Variants in PRDM4 observed in about 807,000 individuals in gnomAD.
The protein encoded by PRDM4 is PR domain zinc finger protein 4.
A neutral mutation model predicts 62.3 loss-of-function variants in PRDM4; 38 were observed. The ratio of observed to expected loss-of-function variants is 0.61; its 90% confidence interval spans 0.47 to 0.80. PRDM4 has a LOEUF of 0.80. Among genes scored for constraint, PRDM4 ranks in the 30% least tolerant of loss-of-function variants. PRDM4 has a pLI of 0.00. For synonymous variants in PRDM4, 339 were observed against 348.2 expected (o/e 0.97, Z 0.30); for missense variants, 858 against 997.1 (o/e 0.86, Z 1.88).
intron 4 of PRDM4, among the ~76,000 whole-genome samples, chr12:107,752,454 C>T (rs939146354): frequency 5.9e-5 from 9 of 152,054 alleles, no homozygotes; most frequent in South Asian, 2.1e-4. Context: ...GAATCACTAA[C>T]GAAAACACTG....
chr12:107,757,851 T>C (rs1428690653), intron 2 of PRDM4, among the ~76,000 whole-genome samples: 2 of 152,166 alleles, frequency 1.3e-5, no homozygotes, highest in African/African-American at 4.8e-5. Context: ...ATAAGAGTAA[T>C]ACTGATTTGA....
At chr12:107,754,889 T>G (rs1303570717) in intron 3 of PRDM4, 1 of 152,218 alleles carries the variant, frequency 6.6e-6, no homozygotes, top group East Asian at 1.9e-4. Context: ...TAGTTAGATG[T>G]AAAACTGTAC....
At chr12:107,749,358 G>A (rs1890820529) in intron 5 of PRDM4, among the ~76,000 whole-genome samples, 1 of 149,478 alleles carries the variant, frequency 6.7e-6, no homozygotes, top group Admixed American at 6.7e-5. Flanking sequence ...ATCCTCCTCT[G>A]CCTTTCACTA....
At chr12:107,754,735 A>G (rs1399695593) in intron 3 of PRDM4, 2 of 152,222 alleles carry the variant, frequency 1.3e-5, no homozygotes, top group Non-Finnish European at 2.9e-5. Flanking sequence ...ATATAGAGAA[A>G]AAAACAATGG....
intron 2 of PRDM4, among the ~76,000 whole-genome samples, chr12:107,757,741 C>CT (rs36107847): frequency 4.0e-5 from 6 of 151,306 alleles, no homozygotes; most frequent in Non-Finnish European, 7.4e-5. Flanking sequence ...CTGCACCAAA[C>CT]TTTTTTTTTA....
Position 107,733,785 on chromosome 12 carries a change from A to G in PRDM4, c.*425T>C, listed in dbSNP as rs1376138156. On this transcript the variant is annotated 3_prime_UTR_variant, in exon 12 of 12. Transcript: ENST00000228437. Reference sequence around the variant, plus strand: ...TAAGTCACAAGAGTCTGCATAAAACACTATCAGCAATCAGGATGGCTATGG... The same window carrying G: ...TAAGTCACAAGAGTCTGCATAAAACGCTATCAGCAATCAGGATGGCTATGG... 5.4e-6 allele frequency: 1 copy of G among 184,790 alleles called. No homozygotes were observed. The highest frequency in any genetic ancestry group is 2.4e-5 in the African/African-American group (1 of 41,796). 11.4% of individuals were successfully genotyped at this position (184,790 alleles called of 1,614,324 possible).
intron 3 of PRDM4, among the ~76,000 whole-genome samples, chr12:107,756,038 C>T (rs981161066): frequency 1.3e-5 from 2 of 151,748 alleles, no homozygotes; most frequent in African/African-American, 4.8e-5. Context: ...TGCAGTGAGC[C>T]GAGATCGTGC....
At chr12:107,746,863 G>C (rs1258964888) in intron 5 of PRDM4, among the ~76,000 whole-genome samples, 1 of 152,122 alleles carries the variant, frequency 6.6e-6, no homozygotes, top group Non-Finnish European at 1.5e-5. Flanking sequence ...TCTTATCAAA[G>C]ACTCACTTCC....
At chr12:107,755,623 T>C (rs941001184) in intron 3 of PRDM4, among the ~76,000 whole-genome samples, 15 of 152,190 alleles carry the variant, frequency 9.9e-5, no homozygotes, top group African/African-American at 3.6e-4. Flanking sequence ...AATATATAGA[T>C]TTATTTATAC....
At chr12:107,746,536 G>T in intron 5 of PRDM4, 112 bp from the exon 6 acceptor site, 1 of 1,034,802 alleles carries the variant, frequency 9.7e-7, no homozygotes, top group Non-Finnish European at 1.3e-6. Context: ...CCAGGCTGGA[G>T]TGCAATGGCG....
intron 5 of PRDM4, among the ~76,000 whole-genome samples, chr12:107,750,125 T>C (rs1435707360): frequency 2.6e-5 from 4 of 152,182 alleles, no homozygotes; most frequent in African/African-American, 7.2e-5. Context: ...GTCACACTTA[T>C]TATTATCCTA....
chr12:107,741,151 G>A lies in PRDM4; in HGVS notation c.1719C>T (p.Thr573=), dbSNP rs773352947. The change falls in exon 10 of 12, where the codon ACC becomes ACT. Residue 573 remains threonine, a synonymous_variant. Transcript: ENST00000228437. ...LTSHIHNHLP[T]QGHSGSHGPS... is the part of the protein sequence containing the mutation. The stretch of plus-strand genomic sequence containing the variant: ...GCCCATGGCTGCCGCTATGTCCCTG[G>A]GTAGGAAGATGGTTATGGATGTGGC... 2.5e-6 allele frequency: 4 copies of A among 1,614,068 alleles called. No individual in the cohort carries two copies. The highest frequency in any genetic ancestry group is 4.5e-5 in the East Asian group (2 of 44,860).
chr12:107,737,844 T>TC (rs894124194), intron 11 of PRDM4, among the ~76,000 whole-genome samples: 1 of 152,000 alleles, frequency 6.6e-6, no homozygotes, highest in East Asian at 1.9e-4. Context: ...CAAATATTTG[T>TC]CCCCCCTCAC....
At chr12:107,741,872 G>T (rs926848298) in intron 9 of PRDM4, among the ~76,000 whole-genome samples, 3 of 152,182 alleles carry the variant, frequency 2.0e-5, no homozygotes, top group Non-Finnish European at 4.4e-5. Context: ...AAACAGCACA[G>T]CAAAGAGAAA....
At chr12:107,755,804 G>A (rs955671382) in intron 3 of PRDM4, among the ~76,000 whole-genome samples, 28 of 152,180 alleles carry the variant, frequency 1.8e-4, no homozygotes, top group African/African-American at 6.0e-4. Context: ...GTACAGTGAC[G>A]GCTGGCGCGG....
chr12:107,751,470 C>A lies in PRDM4; in HGVS notation c.1071G>T (p.Leu357=). 1 of 1,613,488 alleles carries A rather than the reference C, an allele frequency of 6.2e-7. No individual in the cohort carries two copies. ...TGTTTGAATTGGAGTCTTCCATTTG[C>A]AGTGAAGGTGATACAAAAGAAAGAC... ...SDSLSFVSPS[L]QMEDSNSNKE... Residue 357 remains leucine (L), a synonymous_variant, in exon 5 of 12, where the codon CTG becomes CTT. Transcript: ENST00000228437.
chr12:107,751,939 G>GT lies in PRDM4; in HGVS notation c.601dup (p.Thr201AsnfsTer33). ...CATTCCATCTGTCGAAATTGGGCTG[G>GT]TAACCCTAGAAACGTTCTCCATAGT... On this transcript the variant is annotated frameshift_variant, in exon 5 of 12. Transcript: ENST00000228437. LOFTEE classifies it high-confidence loss of function. The GT allele has an allele frequency of 6.2e-7, 1 of 1,614,230 alleles. No homozygotes were observed. The highest frequency in any genetic ancestry group is 8.5e-7 in the Non-Finnish European group (1 of 1,180,040).
At chr12:107,757,082 T>C (rs1171578305) in intron 2 of PRDM4, 117 bp from the exon 3 acceptor site, 2 of 1,016,140 alleles carry the variant, frequency 2.0e-6, no homozygotes, top group Non-Finnish European at 2.9e-6. Context: ...CAACTATTAG[T>C]TCACTTTTAC....
chr12:107,746,204 T>A (rs995081386), intron 6 of PRDM4, 71 bp downstream of exon 6: 1 of 1,547,252 alleles, frequency 6.5e-7, no homozygotes, highest in Non-Finnish European at 8.8e-7. Flanking sequence ...ATTATACACA[T>A]CCACTTTTAC....
Sources: gnomAD v4.1 joint callset for allele counts (sites outside exome capture counted in the v4.1 genomes callset) on GRCh38, gnomAD v4.1.1 for gene constraint, MANE v1.5 for transcripts, NCBI Gene and HGNC (gene_info 2026-07-23, HGNC 2026-07-21) for gene names.